Variants in PBX1 observed in about 807,000 individuals in gnomAD.
PBX1 encodes PBX homeobox 1.
A neutral mutation model predicts 53.4 loss-of-function variants in PBX1; 6 were observed. The ratio of observed to expected loss-of-function variants is 0.11; its 90% CI spans 0.06 to 0.22. The LOEUF is 0.22. PBX1 is among the 10% of genes least tolerant of loss of function. The pLI is 1.00. For synonymous variants in PBX1, 204 were observed against 212.3 expected (o/e 0.96, Z 0.34); for missense variants, 251 against 551.4 (o/e 0.46, Z 5.46).
At chr1:164,754,489 GAGAA>G (rs138751304) in intron 2 of PBX1, among the ~76,000 whole-genome samples, 1 of 152,324 alleles carries the variant, frequency 6.6e-6, no homozygotes, top group Non-Finnish European at 1.5e-5. Context: ...TGCTTAGCGG[GAGAA>G]AGAGTGACTG....
At chr1:164,691,315 G>A (rs534639127) in intron 2 of PBX1, among the ~76,000 whole-genome samples, 346 of 152,234 alleles carry the variant, frequency 2.3e-3, no homozygotes, top group Non-Finnish European at 4.0e-3. Context: ...TGCCCGGCGA[G>A]AGTTGTTTAA....
chr1:164,785,215 T>G (rs1299329149), intron 2 of PBX1, among the ~76,000 whole-genome samples: 1 of 152,178 alleles, frequency 6.6e-6, no homozygotes, highest in Non-Finnish European at 1.5e-5. Context: ...AATGCTGACT[T>G]GTAAAATTTA....
chr1:164,674,864 C>A (rs968674158), intron 2 of PBX1: 6 of 110,496 alleles, frequency 5.4e-5, no homozygotes, highest in Non-Finnish European at 1.2e-4. Context: ...CCCCCCCCCA[C>A]CCACCACCAA....
At chr1:164,794,851 G>T (rs868094075) in intron 3 of PBX1, among the ~76,000 whole-genome samples, 2 of 152,254 alleles carry the variant, frequency 1.3e-5, no homozygotes, top group South Asian at 2.1e-4. Context: ...CAGGACACAA[G>T]ACAAGCCCAG....
intron 2 of PBX1, among the ~76,000 whole-genome samples, chr1:164,674,085 C>G (rs1327340154): frequency 6.6e-6 from 1 of 152,134 alleles, no homozygotes; most frequent in African/African-American, 2.4e-5. Flanking sequence ...TCCAGCTGGC[C>G]GTTCACCAGG....
chr1:164,666,027 G>A (rs993141366), intron 2 of PBX1, among the ~76,000 whole-genome samples: 14 of 152,124 alleles, frequency 9.2e-5, no homozygotes, highest in African/African-American at 3.1e-4. Flanking sequence ...TAAAATTTTC[G>A]GTATGGGATT....
At chr1:164,758,135 T>C (rs1018506020) in intron 2 of PBX1, among the ~76,000 whole-genome samples, 1 of 152,148 alleles carries the variant, frequency 6.6e-6, no homozygotes, top group African/African-American at 2.4e-5. Flanking sequence ...ACAGTAATTT[T>C]CCCTCCTTGA....
At chr1:164,773,943 C>G (rs1667519026) in intron 2 of PBX1, among the ~76,000 whole-genome samples, 1 of 152,184 alleles carries the variant, frequency 6.6e-6, no homozygotes, top group Non-Finnish European at 1.5e-5. Context: ...TACGACTCCC[C>G]ATGTTAGTGA....
intron 2 of PBX1, among the ~76,000 whole-genome samples, chr1:164,578,209 A>G (rs1422374356): frequency 6.6e-6 from 1 of 152,172 alleles, no homozygotes; most frequent in African/African-American, 2.4e-5. Flanking sequence ...CTTACCTATA[A>G]TGTCACCTCC....
chr1:164,863,822 C>T (rs1164802743), intron 2 of PBX1, among the ~76,000 whole-genome samples: 1 of 152,008 alleles, frequency 6.6e-6, no homozygotes, highest in East Asian at 1.9e-4. Flanking sequence ...ACAGGGAGGT[C>T]GAGAAGGGAG....
Position 164,850,029 on chromosome 1 carries a change from A to G in PBX1, c.*3353A>G, listed in dbSNP as rs761907288. On this transcript the variant is annotated 3_prime_UTR_variant, in exon 9 of 9. Transcript: ENST00000420696. Reference sequence around the variant, plus strand: ...AACATTTGATAATGAATGTTCTTGTATATTCAGATAAAGAAAAAAAAAACC... The same window carrying G: ...AACATTTGATAATGAATGTTCTTGTGTATTCAGATAAAGAAAAAAAAAACC... The G allele has an allele frequency of 1.8e-5, 4 of 227,002 alleles. No homozygotes were observed. Among genetic ancestry groups the G allele is most frequent in the Non-Finnish European group, 2.6e-5 (3 of 114,254 alleles). 14.1% of individuals were successfully genotyped at this position (227,002 alleles called of 1,614,324 possible). A position where few individuals can be genotyped will look rare whatever the true frequency, so the allele number is the denominator to read the frequency against.
chr1:164,572,152 C>T (rs1229386892), intron 2 of PBX1, among the ~76,000 whole-genome samples: 4 of 151,690 alleles, frequency 2.6e-5, no homozygotes, highest in Non-Finnish European at 4.4e-5. Context: ...AGTGATCCAC[C>T]GGCCTTGGTC....
chr1:164,755,657 GA>G (rs2102207152), intron 2 of PBX1, among the ~76,000 whole-genome samples: 1 of 152,166 alleles, frequency 6.6e-6, no homozygotes, highest in East Asian at 1.9e-4. Flanking sequence ...GAGGTAAAGT[GA>G]AACAAAAGAC....
chr1:164,570,656 T>C (rs547873662), intron 2 of PBX1, among the ~76,000 whole-genome samples: 32 of 152,328 alleles, frequency 2.1e-4, no homozygotes, highest in African/African-American at 7.5e-4. Context: ...TGAATAGTGC[T>C]GCAATAAACA....
Position 164,799,902 on chromosome 1 carries a change from T to C in PBX1, c.701+13T>C. 6.2e-7 allele frequency: 1 copy of C among 1,605,194 alleles called. No homozygotes were observed. The highest frequency in any genetic ancestry group is 8.5e-7 in the Non-Finnish European group (1 of 1,174,454). ...TTCTGGATGCGCGGTGAGTCTCCCA[T>C]GGGGCTGTCCTGCCCTCTCTGGGAG... is the stretch of plus-strand genomic sequence containing the variant. On this transcript the variant is annotated intron_variant, in intron 4 of 8. Transcript: ENST00000420696.
chr1:164,651,951 G>GC, intron 2 of PBX1: 1 of 152,948 alleles, frequency 6.5e-6, no homozygotes, highest in Non-Finnish European at 1.5e-5. Flanking sequence ...GTGTGTGTGT[G>GC]TGTGTGTGTG....
intron 2 of PBX1, among the ~76,000 whole-genome samples, chr1:164,678,786 G>T (rs1003305649): frequency 2.0e-5 from 3 of 151,972 alleles, no homozygotes; most frequent in African/African-American, 7.3e-5. Flanking sequence ...TTCTTCACAC[G>T]CCACTCTCTC....
chr1:164,731,312 C>CAA (rs57637058), intron 2 of PBX1, among the ~76,000 whole-genome samples: 33 of 118,192 alleles, frequency 2.8e-4, no homozygotes, highest in South Asian at 2.8e-4. Flanking sequence ...TTTCATCAGC[C>CAA]AAAAAAAAAA....
chr1:164,882,454 C>CGTAA (rs1672683609), intron 2 of PBX1, among the ~76,000 whole-genome samples: 1 of 152,130 alleles, frequency 6.6e-6, no homozygotes, highest in Admixed American at 6.5e-5. Context: ...ATTGTCCATA[C>CGTAA]GTAAGTTCAT....
Sources: gnomAD v4.1 joint callset for allele counts (sites outside exome capture counted in the v4.1 genomes callset) on GRCh38, gnomAD v4.1.1 for gene constraint, MANE v1.5 for transcripts, NCBI Gene and HGNC (gene_info 2026-07-23, HGNC 2026-07-21) for gene names.